DNAH14: variants seen among roughly 807,000 people sequenced by gnomAD.
DNAH14 encodes the protein axonemal beta dynein heavy chain 14.
In DNAH14, 478 loss-of-function variants were observed where a neutral mutation model predicts 520.9. The ratio of observed to expected loss-of-function variants is 0.92; its 90% CI spans 0.85 to 0.99. The LOEUF (loss-of-function observed/expected upper bound fraction) is 0.99. Ranked by LOEUF, DNAH14 falls within the 50% of genes least tolerant of loss-of-function variation. DNAH14 has a pLI of 0.00. For synonymous variants in DNAH14, 1,581 were observed against 1,757.2 expected (o/e 0.90, Z 2.51); for missense variants, 4,831 against 5,234.5 (o/e 0.92, Z 2.38).
intron 65 of DNAH14, 102 bp from the exon 66 acceptor site, chr1:225,333,189 T>C: frequency 2.2e-6 from 2 of 892,408 alleles, no homozygotes; most frequent in Non-Finnish European, 1.7e-6. Flanking sequence ...AGAACAGCAG[T>C]AGTAATTGCA....
chr1:225,146,765 C>G (rs1179358289), intron 30 of DNAH14, among the ~76,000 whole-genome samples: 1 of 152,212 alleles, frequency 6.6e-6, no homozygotes, highest in Non-Finnish European at 1.5e-5. Context: ...AGACTCTGCC[C>G]CAGGGTGCAG....
intron 36 of DNAH14, among the ~76,000 whole-genome samples, chr1:225,181,936 C>G (rs947838811): frequency 6.6e-6 from 1 of 152,112 alleles, no homozygotes; most frequent in African/African-American, 2.4e-5. Context: ...CCTGAAACCC[C>G]AGCACTTGGG....
At chr1:225,155,033 C>G (rs1366843594) in intron 34 of DNAH14, among the ~76,000 whole-genome samples, 1 of 151,964 alleles carries the variant, frequency 6.6e-6, no homozygotes, top group Non-Finnish European at 1.5e-5. Context: ...TATGAAAATA[C>G]ACTCAACCCC....
chr1:225,223,776 T>C (rs80262045), intron 41 of DNAH14, among the ~76,000 whole-genome samples: 4,021 of 152,258 alleles, frequency 0.026, 158 homozygotes, highest in African/African-American at 0.08. Flanking sequence ...ACCAACTTCA[T>C]TGGAAAGTGC....
At chr1:225,254,841 G>A (rs1204341953) in intron 44 of DNAH14, among the ~76,000 whole-genome samples, 1 of 152,134 alleles carries the variant, frequency 6.6e-6, no homozygotes, top group Non-Finnish European at 1.5e-5. Context: ...CAACAGCAAA[G>A]GTCAAATTGA....
At chr1:224,940,747 C>T (rs1408604235) in intron 1 of DNAH14, among the ~76,000 whole-genome samples, 3 of 146,782 alleles carry the variant, frequency 2.0e-5, no homozygotes, top group African/African-American at 5.3e-5. Context: ...GTTCAATTCT[C>T]ACCTATGAGT....
chr1:225,332,491 C>G (rs1269670321), intron 65 of DNAH14, among the ~76,000 whole-genome samples: 2 of 152,100 alleles, frequency 1.3e-5, no homozygotes, highest in Non-Finnish European at 2.9e-5. Flanking sequence ...AATATGGGTT[C>G]AGATCCCAGC....
At chr1:224,965,388 C>T (rs2061099974) in intron 5 of DNAH14, among the ~76,000 whole-genome samples, 1 of 152,200 alleles carries the variant, frequency 6.6e-6, no homozygotes, top group Non-Finnish European at 1.5e-5. Context: ...GATTCTAATG[C>T]ACAATTAAGA....
At chr1:225,359,912 T>C (rs1167325376) in intron 74 of DNAH14, among the ~76,000 whole-genome samples, 2 of 152,226 alleles carry the variant, frequency 1.3e-5, no homozygotes, top group African/African-American at 4.8e-5. Flanking sequence ...AGGGTAAACA[T>C]GTGTCATGGT....
chr1:224,998,413 A>G (rs1381573372), intron 8 of DNAH14, among the ~76,000 whole-genome samples: 3 of 152,150 alleles, frequency 2.0e-5, no homozygotes, highest in Non-Finnish European at 4.4e-5. Context: ...ATTCAGTGCT[A>G]TAAATTTCTG....
At chr1:225,360,236 C>G (rs2095477805) in intron 74 of DNAH14, among the ~76,000 whole-genome samples, 1 of 152,182 alleles carries the variant, frequency 6.6e-6, no homozygotes, top group Non-Finnish European at 1.5e-5. Context: ...TTTTCTTTAT[C>G]TAGTCTATCA....
chr1:225,152,411 T>G (rs1441552758), intron 32 of DNAH14, among the ~76,000 whole-genome samples: 1 of 151,420 alleles, frequency 6.6e-6, no homozygotes, highest in Non-Finnish European at 1.5e-5. Context: ...TTGCAGGGAG[T>G]GGAGGTTGAG....
intron 15 of DNAH14, among the ~76,000 whole-genome samples, chr1:225,046,649 A>G (rs973658900): frequency 1.3e-5 from 2 of 152,068 alleles, no homozygotes; most frequent in African/African-American, 4.8e-5. Context: ...TATGCAGATG[A>G]TATGTCTGTA....
In DNAH14 at chr1:225,140,957, A is replaced by G. The variant is rs1420043601; in HGVS notation, c.4444A>G (p.Arg1482Gly). Reference protein sequence around the residue: ...GALLILYVHCRDIVINLLLKN... With the variant: ...GALLILYVHCGDIVINLLLKN... ...ATTGCTTATCCTTTATGTTCACTGC[A>G]GAGATATAGTGATAAATTTACTACT... The change falls in exon 28 of 86, where the codon AGA (arginine) becomes GGA (glycine). Residue 1482 changes from arginine to glycine, a missense_variant. Physicochemically the swap from Arg to Gly is moderately radical, Grantham distance 125. Coordinates refer to ENST00000682510, the MANE Select transcript of DNAH14 (RefSeq NM_001367479.1). 2 of 1,551,386 alleles carry G rather than the reference A, an allele frequency of 1.3e-6. No individual in the cohort carries two copies. Among genetic ancestry groups the G allele is most frequent in the Non-Finnish European group, 1.7e-6 (2 of 1,146,856 alleles).
intron 7 of DNAH14, among the ~76,000 whole-genome samples, chr1:224,971,093 A>C (rs573134071): frequency 3.3e-5 from 5 of 152,318 alleles, no homozygotes; most frequent in African/African-American, 1.2e-4. Flanking sequence ...TTCATGATTA[A>C]AAATTTATCT....
intron 8 of DNAH14, among the ~76,000 whole-genome samples, chr1:224,980,574 G>A (rs1265968702): frequency 6.6e-6 from 1 of 152,226 alleles, no homozygotes; most frequent in African/African-American, 2.4e-5. Context: ...ATTAAGGGAA[G>A]GATGCAAGCC....
rs57331050 is a variant in DNAH14, at chr1:225,008,575, C to CTT, written c.1107+1053_1107+1054dup. Among the ~76,000 whole-genome samples, 141 of 98,310 alleles carry CTT rather than the reference C, an allele frequency of 1.4e-3. 2 individuals are homozygous for CTT. The highest frequency in any genetic ancestry group is 5.1e-3 in the African/African-American group (122 of 24,078). The allele number at this position is 98,310 out of a possible 152,430, so 64.5% of individuals were successfully genotyped here. A position where few individuals can be genotyped will look rare whatever the true frequency, so the allele number is the denominator to read the frequency against. ...CTCTATAGCATCTGTTTTTTCCTGACTTTTTTTTTTTTTTTTTTTTTTTGT... is the reference window on the plus strand; with the variant it reads ...CTCTATAGCATCTGTTTTTTCCTGACTTTTTTTTTTTTTTTTTTTTTTTTTGT... On this transcript the variant is annotated intron_variant, in intron 10 of 85. Coordinates refer to ENST00000682510, the MANE Select transcript of DNAH14 (RefSeq NM_001367479.1).
At chr1:225,261,745 A>G (rs1163453605) in intron 46 of DNAH14, among the ~76,000 whole-genome samples, 2 of 152,096 alleles carry the variant, frequency 1.3e-5, no homozygotes, top group Non-Finnish European at 2.9e-5. Flanking sequence ...AATTGGTAGA[A>G]TTCAGCATAA....
intron 60 of DNAH14, 65 bp downstream of exon 60, chr1:225,308,475 A>T: frequency 6.9e-7 from 1 of 1,454,604 alleles, no homozygotes; most frequent in Non-Finnish European, 9.1e-7. Context: ...CTAACCTTCA[A>T]ATTTAAAAGT....
Sources: allele counts gnomAD v4.1 joint callset (sites outside exome capture counted in the v4.1 genomes callset), GRCh38; gene constraint gnomAD v4.1.1; transcripts MANE v1.5; gene names NCBI Gene and HGNC (gene_info 2026-07-23, HGNC 2026-07-21).